The following PHF21A variants were observed in gnomAD, a reference collection of about 807,000 sequenced individuals.
PHF21A encodes BHC80a.
PHF21A carries 11 observed loss-of-function variants against 82.5 expected under a neutral mutation model. The ratio of observed to expected loss-of-function variants is 0.13; its 90% CI spans 0.08 to 0.22. The LOEUF (loss-of-function observed/expected upper bound fraction) is 0.22. PHF21A is among the 10% of genes least tolerant of loss of function. The pLI is 1.00. For missense variants in PHF21A, 579 were observed against 837.8 expected, an observed-to-expected ratio of 0.69 and a Z score of 3.81; for synonymous variants, 297 against 302.8, an observed-to-expected ratio of 0.98 and a Z score of 0.20.
intron 5 of PHF21A, among the ~76,000 whole-genome samples, chr11:46,077,129 A>G (rs932289920): frequency 6.6e-6 from 1 of 152,256 alleles, no homozygotes; most frequent in African/African-American, 2.4e-5. Context: ...TATAGAAAGT[A>G]TCCATTGACA....
rs995534207 is a variant in PHF21A at position 46,119,417 on chromosome 11, A to G, written c.-237+1518T>C. Among the ~76,000 whole-genome samples the G allele has an allele frequency of 5.9e-5, 9 of 152,188 alleles. No homozygotes were observed. In the East Asian group the frequency reaches 1.3e-3, roughly 23 times the overall value. ...GAGACATCATTTTAAAAACAACACA[A>G]TGTGGACGTGCAGAGTGAGATCCTC... On this transcript the variant is annotated intron_variant, in intron 1 of 18. Transcript: ENST00000676320.
At position 45,932,736 on chromosome 11, in the gene PHF21A, A is replaced by G. The variant is rs1354119128; in HGVS notation, c.*1232T>C. 1 of 152,510 alleles carries G rather than the reference A, an allele frequency of 6.6e-6. No homozygotes were observed. Among genetic ancestry groups the G allele is most frequent in the African/African-American group, 2.4e-5 (1 of 41,392 alleles). The allele number at this position is 152,510 out of a possible 1,614,324, so 9.4% of individuals were successfully genotyped here. The stretch of plus-strand genomic sequence containing the variant: ...TTAAAAAAAAGTTTTTTTTCCCCAG[A>G]TACAAAGATTTTTGCCCTTGCATAA... On this transcript the variant is annotated 3_prime_UTR_variant, in exon 19 of 19. Coordinates refer to ENST00000676320, the MANE Select transcript of PHF21A (RefSeq NM_001352027.3). The surrounding 1 kb of genome is among the most constrained non-coding windows in gnomAD (Gnocchi z 4.3).
intron 6 of PHF21A, among the ~76,000 whole-genome samples, chr11:46,018,021 C>T (rs971962251): frequency 2.6e-5 from 4 of 151,990 alleles, no homozygotes; most frequent in Non-Finnish European, 5.9e-5. Flanking sequence ...GAGGCCGAGG[C>T]GGGCGGATCA....
intron 6 of PHF21A, among the ~76,000 whole-genome samples, chr11:46,066,903 T>A (rs1423076581): frequency 1.3e-5 from 2 of 152,110 alleles, no homozygotes; most frequent in African/African-American, 2.4e-5. Context: ...ACAAACACAG[T>A]TTTTTAGTAT....
intron 9 of PHF21A, among the ~76,000 whole-genome samples, chr11:45,967,704 C>T (rs987659304): frequency 5.9e-5 from 9 of 152,086 alleles, no homozygotes; most frequent in African/African-American, 2.2e-4. Context: ...TGTCCTGTAT[C>T]ATTCCAAGTA....
intron 6 of PHF21A, among the ~76,000 whole-genome samples, chr11:46,014,527 C>T (rs1023525584): frequency 6.6e-6 from 1 of 152,134 alleles, no homozygotes; most frequent in African/African-American, 2.4e-5. Flanking sequence ...GGGTATATAT[C>T]CAGTAATGGG....
At chr11:46,051,075 C>T (rs1328055211) in intron 6 of PHF21A, among the ~76,000 whole-genome samples, 5 of 152,158 alleles carry the variant, frequency 3.3e-5, no homozygotes, top group Admixed American at 6.5e-5. Context: ...TGGGAAACAG[C>T]AGCAAAAAGT....
intron 6 of PHF21A, among the ~76,000 whole-genome samples, chr11:46,001,207 T>C (rs1222884868): frequency 1.3e-5 from 2 of 151,886 alleles, no homozygotes; most frequent in Non-Finnish European, 1.5e-5. Flanking sequence ...TAAAGCCATG[T>C]ATGGTTCTGG....
chr11:45,959,151 A>G (rs2092918488), intron 10 of PHF21A, among the ~76,000 whole-genome samples: 2 of 151,966 alleles, frequency 1.3e-5, no homozygotes, highest in East Asian at 1.9e-4. Flanking sequence ...ACCAAGGGGG[A>G]AAAAAAACAT....
intron 6 of PHF21A, among the ~76,000 whole-genome samples, chr11:45,982,299 G>A (rs2094330696): frequency 6.6e-6 from 1 of 151,886 alleles, no homozygotes; most frequent in East Asian, 1.9e-4. Flanking sequence ...ATTCTTTTCA[G>A]ACAACTAAAA....
intron 6 of PHF21A, among the ~76,000 whole-genome samples, chr11:46,046,172 C>A (rs1592443664): frequency 6.6e-6 from 1 of 152,136 alleles, no homozygotes. Context: ...TGAGCTTATG[C>A]ACATGTGCTT....
chr11:45,965,256 C>A (rs1022014780), intron 10 of PHF21A, 59 bp downstream of exon 10: 13 of 1,425,590 alleles, frequency 9.1e-6, no homozygotes, highest in Non-Finnish European at 1.2e-5. Context: ...GAAAGCCCAG[C>A]AGCCATATGC....
intron 1 of PHF21A, among the ~76,000 whole-genome samples, chr11:46,099,104 C>T (rs945106217): frequency 6.6e-6 from 1 of 152,104 alleles, no homozygotes; most frequent in Admixed American, 6.5e-5. Context: ...TCAACATACA[C>T]AGAAGAAATT....
intron 15 of PHF21A, among the ~76,000 whole-genome samples, chr11:45,938,655 G>A (rs533979175): frequency 1.9e-3 from 286 of 152,218 alleles, no homozygotes; most frequent in African/African-American, 6.3e-3. Flanking sequence ...CACAATAAGA[G>A]ATTAACAACA....
At position 46,030,830 on chromosome 11, in the gene PHF21A, CGTGTGTGTGTGTGT is replaced by C. The variant is rs71038879; in HGVS notation, c.153+45910_153+45923del. 8.9e-3 allele frequency among the ~76,000 whole-genome samples: 1,268 copies of C among 142,276 alleles called. 16 individuals are homozygous for C. The highest frequency in any genetic ancestry group is 0.029 in the African/African-American group (1,114 of 38,508). The allele number at this position is 142,276 out of a possible 152,430, so 93.3% of individuals were successfully genotyped here. ...TAGTGTGTGTGTGTGCGTGTGTGTGCGTGTGTGTGTGTGTGTGTGTGTGTGTGTGTGTGTGTGTG... is the reference window on the plus strand; with the variant it reads ...TAGTGTGTGTGTGTGCGTGTGTGTGCGTGTGTGTGTGTGTGTGTGTGTGTG... On this transcript the variant is annotated intron_variant, in intron 6 of 18. Transcript: ENST00000676320.
At chr11:45,936,246 C>T (rs1001321321) in intron 17 of PHF21A, among the ~76,000 whole-genome samples, 1 of 151,960 alleles carries the variant, frequency 6.6e-6, no homozygotes, top group Non-Finnish European at 1.5e-5. Context: ...CCACAACACC[C>T]GAGCCTGGGT....
At chr11:46,073,981 T>C (rs1269647080) in intron 6 of PHF21A, among the ~76,000 whole-genome samples, 1 of 152,222 alleles carries the variant, frequency 6.6e-6, no homozygotes, top group Non-Finnish European at 1.5e-5. Flanking sequence ...CTAAAGGCTG[T>C]ATTTTCCCAA....
At chr11:46,040,740 C>T (rs938456760) in intron 6 of PHF21A, among the ~76,000 whole-genome samples, 3 of 152,074 alleles carry the variant, frequency 2.0e-5, no homozygotes, top group East Asian at 1.9e-4. Flanking sequence ...TGTATATGTT[C>T]GAATTTAAAT....
chr11:46,095,465 C>A (rs1424211240), intron 1 of PHF21A, among the ~76,000 whole-genome samples: 1 of 152,066 alleles, frequency 6.6e-6, no homozygotes, highest in Non-Finnish European at 1.5e-5. Flanking sequence ...ATCCAAAACA[C>A]CTAAGTTAGA....
Sources: allele counts gnomAD v4.1 joint callset (sites outside exome capture counted in the v4.1 genomes callset), GRCh38; gene constraint gnomAD v4.1.1; non-coding constraint Gnocchi (gnomAD v3.1); transcripts MANE v1.5; gene names NCBI Gene and HGNC (gene_info 2026-07-23, HGNC 2026-07-21).